The following PTPN14 variants were observed in gnomAD, a reference collection of about 807,000 sequenced individuals.
PTPN14 encodes the protein tyrosine-protein phosphatase non-receptor type 14.
Under a neutral mutation model 126.8 loss-of-function variants are expected in PTPN14, and 53 were observed. That is an observed-to-expected ratio of 0.42 (90% CI 0.34 to 0.53). The LOEUF is 0.53. Among genes scored for constraint, PTPN14 ranks in the 20% least tolerant of loss-of-function variants. The pLI is 0.08. For synonymous variants in PTPN14, 630 were observed against 599.3 expected (o/e 1.05, Z -0.75); for missense variants, 1,257 against 1,552.9 (o/e 0.81, Z 3.20).
At chr1:214,533,876 A>C (rs1436947667) in intron 1 of PTPN14, among the ~76,000 whole-genome samples, 1 of 151,796 alleles carries the variant, frequency 6.6e-6, no homozygotes, top group East Asian at 1.9e-4. Flanking sequence ...AAAAGAAAAA[A>C]AAAAGTAGTA....
intron 1 of PTPN14, among the ~76,000 whole-genome samples, chr1:214,473,662 T>C (rs1413534417): frequency 6.6e-6 from 1 of 152,184 alleles, no homozygotes; most frequent in African/African-American, 2.4e-5. Context: ...TAAACCTGCA[T>C]AGGGCACAGC....
chr1:214,391,195 G>A, intron 10 of PTPN14, 150 bp from the exon 11 acceptor site: 1 of 434,264 alleles, frequency 2.3e-6, no homozygotes, highest in Non-Finnish European at 4.0e-6. Context: ...GTAACACTAA[G>A]AACAATCTTG....
intron 3 of PTPN14, among the ~76,000 whole-genome samples, chr1:214,438,919 A>G (rs973086105): frequency 6.6e-6 from 1 of 152,250 alleles, no homozygotes; most frequent in Non-Finnish European, 1.5e-5. Context: ...TCATCCTTAC[A>G]ATAGCTATGC....
At chr1:214,534,250 C>A (rs1655638563) in intron 1 of PTPN14, among the ~76,000 whole-genome samples, 1 of 152,168 alleles carries the variant, frequency 6.6e-6, no homozygotes, top group Admixed American at 6.5e-5. Context: ...TTGCCTCTAA[C>A]CCACAGAACC....
chr1:214,471,317 A>G (rs570783889), intron 1 of PTPN14, among the ~76,000 whole-genome samples: 1 of 152,224 alleles, frequency 6.6e-6, no homozygotes, highest in Admixed American at 6.5e-5. Context: ...TATTAGGGAT[A>G]GGAACATGCA....
intron 3 of PTPN14, among the ~76,000 whole-genome samples, chr1:214,443,482 C>A (rs997631342): frequency 3.9e-5 from 6 of 152,024 alleles, no homozygotes; most frequent in Non-Finnish European, 8.8e-5. Flanking sequence ...ATTAAATTTA[C>A]TTTTTCTCTT....
chr1:214,538,312 G>A (rs769677786), intron 1 of PTPN14, among the ~76,000 whole-genome samples: 25 of 152,210 alleles, frequency 1.6e-4, no homozygotes, highest in Non-Finnish European at 3.5e-4. Flanking sequence ...GGGTTCACAT[G>A]CCACTTACTC....
chr1:214,427,466 T>A (rs1301656588), intron 3 of PTPN14, among the ~76,000 whole-genome samples: 3 of 152,122 alleles, frequency 2.0e-5, no homozygotes, highest in Non-Finnish European at 4.4e-5. Flanking sequence ...GTAAACCAAC[T>A]TAGTTTACTG....
intron 1 of PTPN14, among the ~76,000 whole-genome samples, chr1:214,504,127 T>C (rs554989474): frequency 6.6e-6 from 1 of 152,300 alleles, no homozygotes; most frequent in Admixed American, 6.5e-5. Context: ...AGCTTAAAAC[T>C]AAAGAAAAAT....
intron 3 of PTPN14, among the ~76,000 whole-genome samples, chr1:214,415,817 C>G (rs1271907605): frequency 6.6e-6 from 1 of 152,118 alleles, no homozygotes; most frequent in Non-Finnish European, 1.5e-5. Flanking sequence ...GACAGCCATA[C>G]CACTCTTTGG....
intron 1 of PTPN14, among the ~76,000 whole-genome samples, chr1:214,507,651 T>A (rs1181157991): frequency 6.6e-6 from 1 of 152,172 alleles, no homozygotes; most frequent in African/African-American, 2.4e-5. Context: ...CCAGTCAATA[T>A]CAATTACAGG....
intron 3 of PTPN14, among the ~76,000 whole-genome samples, chr1:214,448,990 C>A (rs959990631): frequency 2.7e-5 from 4 of 150,782 alleles, no homozygotes; most frequent in Non-Finnish European, 5.9e-5. Flanking sequence ...TACTACTGTG[C>A]CCTTGTAAGA....
chr1:214,387,562 C>G (rs1019619934), intron 11 of PTPN14, among the ~76,000 whole-genome samples: 1 of 151,692 alleles, frequency 6.6e-6, no homozygotes, highest in Non-Finnish European at 1.5e-5. Flanking sequence ...ACCTGTAGTC[C>G]CAGCTACTTG....
At chr1:214,378,156 G>C in intron 13 of PTPN14, 54 bp from the exon 14 acceptor site, 7 of 1,543,770 alleles carry the variant, frequency 4.5e-6, no homozygotes, top group Non-Finnish European at 6.1e-6. Flanking sequence ...TAGAATGTTG[G>C]AATGTGTTTT....
chr1:214,479,442 C>T (rs564956851), intron 1 of PTPN14, among the ~76,000 whole-genome samples: 2 of 149,766 alleles, frequency 1.3e-5, no homozygotes, highest in African/African-American at 2.5e-5. Context: ...CAGGTTCAAA[C>T]GATTCTCCTG....
chr1:214,465,388 T>A (rs1660612495), intron 1 of PTPN14, among the ~76,000 whole-genome samples: 1 of 152,006 alleles, frequency 6.6e-6, no homozygotes, highest in African/African-American at 2.4e-5. Flanking sequence ...GGCGGAAGGA[T>A]TACTTAAGCC....
At chr1:214,540,523 G>C (rs1655809790) in intron 1 of PTPN14, among the ~76,000 whole-genome samples, 1 of 152,074 alleles carries the variant, frequency 6.6e-6, no homozygotes, top group South Asian at 2.1e-4. Context: ...AAAATAAACT[G>C]CAGCTTCTCC....
At chr1:214,531,914 A>G (rs918341531) in intron 1 of PTPN14, 3 of 152,434 alleles carry the variant, frequency 2.0e-5, no homozygotes, top group Non-Finnish European at 2.9e-5. Flanking sequence ...AAGCCATCCA[A>G]TATTAGGCAA....
At chr1:214,477,024 C>A (rs1474703039) in intron 1 of PTPN14, among the ~76,000 whole-genome samples, 1 of 152,178 alleles carries the variant, frequency 6.6e-6, no homozygotes, top group Non-Finnish European at 1.5e-5. Flanking sequence ...TAAGGCTGTT[C>A]ATCACTAAGA....
Sources: gnomAD v4.1 joint callset for allele counts (sites outside exome capture counted in the v4.1 genomes callset) on GRCh38, gnomAD v4.1.1 for gene constraint, MANE v1.5 for transcripts, NCBI Gene and HGNC (gene_info 2026-07-23, HGNC 2026-07-21) for gene names.